Variants in MEI1 observed in about 807,000 individuals in gnomAD.
MEI1 encodes meiosis inhibitor protein 1.
In MEI1, 103 loss-of-function variants were observed where a neutral mutation model predicts 146.2. The ratio of observed to expected loss-of-function variants is 0.70; its 90% CI spans 0.60 to 0.83. MEI1 has a LOEUF of 0.83. MEI1 is among the 40% of genes least tolerant of loss of function. The probability of loss-of-function intolerance (pLI) is 0.00; values close to 1 mark genes in which losing one functional copy is unlikely to be tolerated. For missense variants in MEI1, 1,529 were observed against 1,533.0 expected (o/e 1.00, Z 0.04); for synonymous variants, 652 against 628.2 (o/e 1.04, Z -0.57).
rs547945683 is a variant in MEI1, at chr22:41,748,182, G to A, written c.1756G>A (p.Val586Ile). Residue 586 changes from valine (V) to isoleucine (I), a missense_variant, in exon 15 of 31, where the codon GTT (valine) becomes ATT (isoleucine). Physicochemically the swap from Val to Ile is conservative, Grantham distance 29. Around this residue, in one of 3 missense-constraint regions of MEI1, gnomAD observed 1,212 missense variants for 1,178.9 expected, o/e 1.03. Transcript: ENST00000401548. The part of the protein sequence containing the change: ...LSILHNLFVI[V>I]PHMKEKFSKK... ...AATTCTACATAACCTCTTTGTCATCGTTCCCCACATGAAGGAGAAGTTTTC... is the reference window on the plus strand; with the variant it reads ...AATTCTACATAACCTCTTTGTCATCATTCCCCACATGAAGGAGAAGTTTTC... 5.0e-6 allele frequency: 8 copies of A among 1,613,894 alleles called. No individual in the cohort carries two copies. In the South Asian group the frequency reaches 5.5e-5, roughly 11 times the overall value.
At chr22:41,798,116 AACAC>A (rs60766866) in intron 30 of MEI1, among the ~76,000 whole-genome samples, 5,480 of 135,652 alleles carry the variant, frequency 0.04, 112 homozygotes, top group Middle Eastern at 0.074. Flanking sequence ...TCCTCAGCCC[AACAC>A]ACACACACAC....
rs764022140 is a variant in MEI1 at position 41,730,507 on chromosome 22, C to G, written c.980-14C>G. 6.3e-7 allele frequency: 1 copy of G among 1,576,074 alleles called. No individual in the cohort carries two copies. Among genetic ancestry groups the G allele is most frequent in the Non-Finnish European group, 8.7e-7 (1 of 1,145,484 alleles). ...GGCTGTCATTTATTGTTTTCTCATCCTCTCCCTTGTTAGAGTTCCTCTTTG... is the reference window on the plus strand; with the variant it reads ...GGCTGTCATTTATTGTTTTCTCATCGTCTCCCTTGTTAGAGTTCCTCTTTG... On this transcript the variant is annotated splice_polypyrimidine_tract_variant and intron_variant, in intron 8 of 30. Transcript: ENST00000401548.
chr22:41,721,719 CTTTTTTTTTTT>C, intron 6 of MEI1, among the ~76,000 whole-genome samples: 1 of 102,226 alleles, frequency 9.8e-6, no homozygotes, highest in Admixed American at 1.2e-4. Flanking sequence ...AATGCTACCC[CTTTTTTTTTTT>C]TTTTTTTTTG....
intron 30 of MEI1, among the ~76,000 whole-genome samples, chr22:41,797,590 C>T (rs965809849): frequency 3.3e-5 from 5 of 152,080 alleles, no homozygotes; most frequent in African/African-American, 4.8e-5. Flanking sequence ...CCAGCCAGGG[C>T]GACAGAGCAA....
chr22:41,715,680 C>T (rs1363836282), intron 4 of MEI1, among the ~76,000 whole-genome samples: 1 of 152,114 alleles, frequency 6.6e-6, no homozygotes, highest in East Asian at 1.9e-4. Flanking sequence ...CAGCGTGAGC[C>T]ACCACGCCTG....
chr22:41,772,013 T>C (rs1233802056), intron 20 of MEI1, among the ~76,000 whole-genome samples: 1 of 152,144 alleles, frequency 6.6e-6, no homozygotes, highest in East Asian at 1.9e-4. Context: ...AGAAACACAG[T>C]GTTAGGTGAT....
chr22:41,727,693 G>A (rs747294109), intron 7 of MEI1, among the ~76,000 whole-genome samples: 5 of 152,102 alleles, frequency 3.3e-5, no homozygotes, highest in East Asian at 1.9e-4. Flanking sequence ...TACGATTTAC[G>A]GCAGTGTAAG....
rs188505086 is a variant in MEI1, at chr22:41,777,180, G to A, written c.2710+913G>A. ...ATAATTTTTTTTTTTTTTTGAGAGA[G>A]GGTCTCACTCTGTCGTTCAGGCTGG... On this transcript the variant is annotated intron_variant, in intron 21 of 30. Transcript: ENST00000401548. Among the ~76,000 whole-genome samples the A allele has an allele frequency of 1.2e-3, 170 of 143,666 alleles. 2 individuals carry two copies. The highest frequency in any genetic ancestry group is 6.3e-3 in the Admixed American group (90 of 14,366). 94.3% of individuals were successfully genotyped at this position (143,666 alleles called of 152,430 possible). A position where few individuals can be genotyped will look rare whatever the true frequency, so the allele number is the denominator to read the frequency against.
intron 11 of MEI1, among the ~76,000 whole-genome samples, chr22:41,741,750 A>G (rs2072885887): frequency 6.6e-6 from 1 of 152,102 alleles, no homozygotes; most frequent in African/African-American, 2.4e-5. Flanking sequence ...CTGAGGCGGC[A>G]GATCATGAGG....
chr22:41,761,594 G>T (rs1308172571), intron 18 of MEI1, among the ~76,000 whole-genome samples: 1 of 151,980 alleles, frequency 6.6e-6, no homozygotes, highest in Non-Finnish European at 1.5e-5. Context: ...GATTACAGGC[G>T]TGAGCCACTG....
chr22:41,776,365 G>C, intron 21 of MEI1, 98 bp downstream of exon 21: 1 of 1,336,412 alleles, frequency 7.5e-7, no homozygotes. Context: ...AGAGAATCAG[G>C]GTTTTATCTG....
At chr22:41,789,047 C>T (rs912668810) in intron 26 of MEI1, among the ~76,000 whole-genome samples, 6 of 152,166 alleles carry the variant, frequency 3.9e-5, no homozygotes, top group Non-Finnish European at 8.8e-5. Context: ...GGCGCAGTGG[C>T]TCATGCCTGT....
At chr22:41,704,916 G>C (rs768687964) in intron 2 of MEI1, among the ~76,000 whole-genome samples, 4 of 151,598 alleles carry the variant, frequency 2.6e-5, no homozygotes, top group Non-Finnish European at 4.4e-5. Context: ...GGATTTCACT[G>C]TGTTAGCCAG....
chr22:41,732,107 G>C (rs2071916948), intron 9 of MEI1, 138 bp from the exon 10 acceptor site: 1 of 642,078 alleles, frequency 1.6e-6, no homozygotes, highest in East Asian at 2.8e-5. Flanking sequence ...GGTCCCATTA[G>C]CTCAATCTTG....
intron 22 of MEI1, among the ~76,000 whole-genome samples, chr22:41,779,898 G>C (rs1250940014): frequency 6.6e-6 from 1 of 152,184 alleles, no homozygotes. Context: ...TTTGCTGAGG[G>C]AAGGTTGAAA....
chr22:41,775,463 G>C (rs1329246177), intron 20 of MEI1, among the ~76,000 whole-genome samples: 1 of 152,180 alleles, frequency 6.6e-6, no homozygotes, highest in African/African-American at 2.4e-5. Context: ...ATAGAGCTTT[G>C]GGCTTGGAGT....
intron 3 of MEI1, among the ~76,000 whole-genome samples, chr22:41,713,502 A>G (rs2069802177): frequency 1.3e-5 from 2 of 150,646 alleles, no homozygotes; most frequent in Non-Finnish European, 3.0e-5. Flanking sequence ...AAAAGAAGCC[A>G]GAACTCCTTT....
chr22:41,748,534 A>C (rs990932552), intron 15 of MEI1, among the ~76,000 whole-genome samples: 1 of 152,184 alleles, frequency 6.6e-6, no homozygotes, highest in South Asian at 2.1e-4. Flanking sequence ...AAGATTAAAG[A>C]AAAATTAGCT....
Position 41,781,603 on chromosome 22 carries a change from A to T in MEI1, c.2927-82A>T, listed in dbSNP as rs752840253. The T allele has an allele frequency of 8.1e-6, 12 of 1,484,528 alleles. No individual in the cohort carries two copies. In the South Asian group the frequency reaches 1.5e-4, roughly 19 times the overall value. The allele number at this position is 1,484,528 out of a possible 1,614,324, so 92.0% of individuals were successfully genotyped here. A position where few individuals can be genotyped will look rare whatever the true frequency, so the allele number is the denominator to read the frequency against. On this transcript the variant is annotated intron_variant, in intron 23 of 30. Transcript: ENST00000401548. ...TCCTCTGTTTGTTTGTGAAGCCCCA[A>T]TCAGGTGCTAAGCACCATAGTGGCA...
Sources: gnomAD v4.1 joint callset for allele counts (sites outside exome capture counted in the v4.1 genomes callset) on GRCh38, gnomAD v4.1.1 for gene constraint, gnomAD v4.1.1 regional missense constraint, MANE v1.5 for transcripts, NCBI Gene and HGNC (gene_info 2026-07-23, HGNC 2026-07-21) for gene names.